The following LMO7 variants were observed in gnomAD, a reference collection of about 807,000 sequenced individuals.
LMO7 encodes LIM domain 7.
A neutral mutation model predicts 206.5 loss-of-function variants in LMO7; 120 were observed. The ratio of observed to expected loss-of-function variants is 0.58; its 90% CI spans 0.50 to 0.68. The LOEUF (loss-of-function observed/expected upper bound fraction) is 0.68. LMO7 is among the 30% of genes least tolerant of loss of function. LMO7 has a pLI of 0.00. For synonymous variants in LMO7, 706 were observed against 681.5 expected (o/e 1.04, Z -0.56); for missense variants, 1,959 against 1,957.9 (o/e 1.00, Z -0.01).
intron 3 of LMO7, chr13:75,760,676 A>C (rs541946714): frequency 2.0e-6 from 3 of 1,516,694 alleles, no homozygotes; most frequent in Non-Finnish European, 2.6e-6. Context: ...GTAATGTTTA[A>C]CGTGCCAGTC....
chr13:75,700,239 C>T (rs1445919999), intron 1 of LMO7, among the ~76,000 whole-genome samples: 2 of 152,058 alleles, frequency 1.3e-5, no homozygotes, highest in African/African-American at 2.4e-5. Flanking sequence ...ACATCCTCAG[C>T]TTATGAAGAT....
At position 75,849,487 on chromosome 13, in the gene LMO7, G is replaced by A. The variant is rs1469826742; in HGVS notation, c.4364+195G>A. ...TGAGGTAGGGATAATAATTCTGGCT[G>A]TTTTTTTTTTTTCTTTTTTTTTTAC... On this transcript the variant is annotated intron_variant, in intron 27 of 30. Transcript: ENST00000377534. 1.4e-5 allele frequency among the ~76,000 whole-genome samples: 2 copies of A among 142,038 alleles called. 1 individual carries two copies. The highest frequency in any genetic ancestry group is 4.5e-4 in the South Asian group (2 of 4,440). The allele number at this position is 142,038 out of a possible 152,430, so 93.2% of individuals were successfully genotyped here.
intron 1 of LMO7, among the ~76,000 whole-genome samples, chr13:75,643,040 A>C (rs761641211): frequency 6.6e-6 from 1 of 152,202 alleles, no homozygotes; most frequent in African/African-American, 2.4e-5. Flanking sequence ...GTAAAGCACA[A>C]ATCCTTAAAA....
chr13:75,852,016 G>A (rs1326666978), intron 27 of LMO7, among the ~76,000 whole-genome samples: 1 of 152,000 alleles, frequency 6.6e-6, no homozygotes, highest in Non-Finnish European at 1.5e-5. Context: ...TTTTGTGAAG[G>A]TATCTAACCT....
intron 2 of LMO7, among the ~76,000 whole-genome samples, chr13:75,624,516 GAGAAACCCCACCTGTATTAGTCTGTTTTC>G (rs1201143334): frequency 6.6e-6 from 1 of 152,156 alleles, no homozygotes; most frequent in Non-Finnish European, 1.5e-5. Flanking sequence ...TTCATGTTCA[GAGAAACCCCACCTGTATTAGTCTGTTTTC>G]AAGCTGCTGA....
At chr13:75,732,169 C>G (rs1380693430) in intron 3 of LMO7, among the ~76,000 whole-genome samples, 4 of 152,102 alleles carry the variant, frequency 2.6e-5, no homozygotes, top group African/African-American at 9.7e-5. Flanking sequence ...TGAATGTTGG[C>G]CTGCCTTGCT....
At chr13:75,758,306 T>C (rs541159762) in intron 3 of LMO7, among the ~76,000 whole-genome samples, 2 of 152,330 alleles carry the variant, frequency 1.3e-5, no homozygotes, top group South Asian at 4.1e-4. Flanking sequence ...ATGAAAATTT[T>C]ATTTTATAAT....
chr13:75,852,168 A>G (rs1186704148), intron 27 of LMO7, among the ~76,000 whole-genome samples: 1 of 152,236 alleles, frequency 6.6e-6, no homozygotes, highest in East Asian at 1.9e-4. Context: ...TCTTATTTTA[A>G]AAATATTTTT....
intron 1 of LMO7, among the ~76,000 whole-genome samples, chr13:75,707,900 G>A (rs2042781339): frequency 6.6e-6 from 1 of 151,874 alleles, no homozygotes; most frequent in South Asian, 2.1e-4. Context: ...ACATGATCTT[G>A]CCTTTCTATC....
intron 2 of LMO7, among the ~76,000 whole-genome samples, chr13:75,717,565 A>G (rs1220154588): frequency 6.6e-6 from 1 of 151,808 alleles, no homozygotes; most frequent in Non-Finnish European, 1.5e-5. Flanking sequence ...TTATATATAT[A>G]CATATTCAAT....
At chr13:75,771,292 A>G (rs1326726895) in intron 4 of LMO7, among the ~76,000 whole-genome samples, 1 of 152,114 alleles carries the variant, frequency 6.6e-6, no homozygotes, top group Non-Finnish European at 1.5e-5. Context: ...TGTAGTACAA[A>G]TGTGGTCCTC....
chr13:75,853,691 T>C (rs1350911847), intron 28 of LMO7, among the ~76,000 whole-genome samples: 1 of 152,218 alleles, frequency 6.6e-6, no homozygotes, highest in Non-Finnish European at 1.5e-5. Flanking sequence ...CCAGAATACT[T>C]CTCAGTGTGG....
At position 75,835,071 on chromosome 13, in the gene LMO7, T is replaced by A. The variant is rs1044537136; in HGVS notation, c.3227-162T>A. ...TGTCTTGTATATGTAGATTTTTTTT[T>A]ATATATATGTGCATTCAATGACTTT... is the stretch of plus-strand genomic sequence containing the variant. On this transcript the variant is annotated intron_variant, in intron 17 of 30. Coordinates refer to ENST00000377534, the MANE Select transcript of LMO7 (RefSeq NM_001306080.2). The A allele has an allele frequency of 2.4e-5, 19 of 777,814 alleles. No homozygotes were observed. In the African/African-American group the frequency reaches 3.4e-4, roughly 14 times the overall value. 48.2% of individuals were successfully genotyped at this position (777,814 alleles called of 1,614,324 possible).
At chr13:75,818,069 GA>G (rs1441407348) in intron 12 of LMO7, among the ~76,000 whole-genome samples, 1 of 152,148 alleles carries the variant, frequency 6.6e-6, no homozygotes, top group Non-Finnish European at 1.5e-5. Context: ...CTGAAATGAA[GA>G]AACCCCTGCT....
chr13:75,780,813 T>G (rs1173963663), intron 4 of LMO7, among the ~76,000 whole-genome samples: 1 of 152,226 alleles, frequency 6.6e-6, no homozygotes, highest in Non-Finnish European at 1.5e-5. Flanking sequence ...ATCTTCACAA[T>G]TTATGTTCTT....
At chr13:75,737,842 C>CAAAAAAAAAAAAAAAA (rs768622923) in intron 3 of LMO7, among the ~76,000 whole-genome samples, 1 of 37,740 alleles carries the variant, frequency 2.6e-5, no homozygotes, top group Admixed American at 3.7e-4. Context: ...AGGAAGCTGC[C>CAAAAAAAAAAAAAAAA]AAAAAAAAAA....
intron 1 of LMO7, among the ~76,000 whole-genome samples, chr13:75,643,377 C>A (rs1032697956): frequency 6.6e-6 from 1 of 152,218 alleles, no homozygotes; most frequent in Non-Finnish European, 1.5e-5. Flanking sequence ...ATACACCTTG[C>A]AGGTGAACTC....
intron 3 of LMO7, among the ~76,000 whole-genome samples, chr13:75,734,683 A>C (rs2045620785): frequency 6.6e-6 from 1 of 152,228 alleles, no homozygotes; most frequent in Admixed American, 6.5e-5. Flanking sequence ...TTTATTTCAA[A>C]ATAAAATATA....
intron 4 of LMO7, among the ~76,000 whole-genome samples, chr13:75,770,102 C>A (rs930533009): frequency 5.9e-5 from 9 of 151,928 alleles, no homozygotes; most frequent in Middle Eastern, 3.4e-3. Context: ...TAAATAAGAA[C>A]ATAGATTTCC....
Sources: gnomAD v4.1 joint callset for allele counts (sites outside exome capture counted in the v4.1 genomes callset) on GRCh38, gnomAD v4.1.1 for gene constraint, MANE v1.5 for transcripts, NCBI Gene and HGNC (gene_info 2026-07-23, HGNC 2026-07-21) for gene names.